CROCC: variants seen among roughly 807,000 people sequenced by gnomAD.
CROCC encodes ciliary rootlet coiled-coil, rootletin.
In CROCC, 180 loss-of-function variants were observed where a neutral mutation model predicts 245.2. That is an observed-to-expected ratio of 0.73 (90% CI 0.65 to 0.83). CROCC has a LOEUF of 0.83. Ranked by LOEUF, CROCC falls within the 40% of genes least tolerant of loss-of-function variation. CROCC has a pLI of 0.00. For missense variants in CROCC, 2,688 were observed against 2,779.4 expected, an observed-to-expected ratio of 0.97 and a Z score of 0.74; for synonymous variants, 1,205 against 1,241.6, an observed-to-expected ratio of 0.97 and a Z score of 0.62.
chr1:16,922,058 A>C lies in CROCC; in HGVS notation c.40A>C (p.Thr14Pro), dbSNP rs1417353440. 1 of 1,550,386 alleles carries C rather than the reference A, an allele frequency of 6.5e-7. No individual in the cohort carries two copies. The highest frequency in any genetic ancestry group is 2.0e-5 in the Admixed American group (1 of 50,788). ...GLAGAQEVEL[T>P]LETVIQTLES... ...GGCGGGGGCACAGGAGGTGGAGCTG[A>C]CACTAGAGACGGTTATCCAGGTGGG... is the stretch of plus-strand genomic sequence containing the variant. Residue 14 changes from threonine to proline, a missense_variant, in exon 1 of 37, where the codon ACA (threonine) becomes CCA (proline). Thr to Pro is a conservative substitution (Grantham distance 38). Transcript: ENST00000375541.
upstream of CROCC, chr1:16,921,874 C>A: frequency 1.3e-6 from 1 of 789,460 alleles, no homozygotes; most frequent in Non-Finnish European, 2.1e-6. Context: ...CTCCTCCCAC[C>A]GCGGTGGTCA....
chr1:16,950,853 C>T (rs2076147480), intron 19 of CROCC, 100 bp from the exon 20 acceptor site: 12 of 1,045,340 alleles, frequency 1.1e-5, no homozygotes, highest in Non-Finnish European at 1.6e-5. Context: ...AGGCCCTCTG[C>T]CTCTGGGATT....
chr1:16,938,584 G>C, intron 11 of CROCC, 101 bp downstream of exon 11: 1 of 1,155,090 alleles, frequency 8.7e-7, no homozygotes. Context: ...AAATGGGTGG[G>C]GGCCTGGGAC....
intron 27 of CROCC, among the ~76,000 whole-genome samples, chr1:16,962,548 A>AC (rs1557637065): frequency 2.1e-5 from 3 of 143,000 alleles, no homozygotes; most frequent in African/African-American, 7.8e-5. Context: ...AAAAAAAAAA[A>AC]AAAAAAAAAA....
chr1:16,958,597 C>G lies in CROCC; in HGVS notation c.3879C>G (p.Asp1293Glu). The G allele has an allele frequency of 6.4e-7, 1 of 1,553,116 alleles. No homozygotes were observed. Among genetic ancestry groups the G allele is most frequent in the Non-Finnish European group, 8.7e-7 (1 of 1,148,628 alleles). ...QELRRQMKML[D>E]SENTRLGREL... is the part of the protein sequence containing the mutation. ...TGCTCTCACAGATGAAGATGCTGGA[C>G]AGTGAGAACACCAGACTGGGCCGGG... Residue 1293 changes from aspartate (D) to glutamate (E), a missense_variant, in exon 26 of 37, where the codon GAC becomes GAG. Asp to Glu is a conservative substitution (Grantham distance 45, BLOSUM62 2). Around this residue, in one of 9 missense-constraint regions of CROCC, gnomAD observed 1,218 missense variants for 1,286.3 expected, o/e 0.95. Coordinates refer to ENST00000375541, the MANE Select transcript of CROCC (RefSeq NM_014675.5).
intron 13 of CROCC, among the ~76,000 whole-genome samples, chr1:16,942,290 G>A (rs1335710025): frequency 3.3e-4 from 50 of 152,244 alleles, no homozygotes; most frequent in Admixed American, 1.5e-3. Context: ...GAGCCATCAC[G>A]CCAGGCACCC....
At chr1:16,922,925 A>G in intron 2 of CROCC, 127 bp downstream of exon 2, 1 of 1,370,234 alleles carries the variant, frequency 7.3e-7, no homozygotes, top group African/African-American at 1.4e-5. Flanking sequence ...CAGCTTTATG[A>G]CAGAAGAACC....
At chr1:16,964,634 C>G (rs55709923) in intron 27 of CROCC, among the ~76,000 whole-genome samples, 19,544 of 152,126 alleles carry the variant, frequency 0.13, 1,406 homozygotes, top group South Asian at 0.21. Context: ...CTGCCCACCT[C>G]GGCATCCCAA....
Position 16,972,403 on chromosome 1 carries a change from G to T in CROCC, c.6011G>T (p.Ser2004Ile). 6.2e-7 allele frequency: 1 copy of T among 1,613,814 alleles called. No homozygotes were observed. Among genetic ancestry groups the T allele is most frequent in the Non-Finnish European group, 8.5e-7 (1 of 1,179,840 alleles). The change falls in exon 37 of 37, where the codon AGC (serine) becomes ATC (isoleucine). Residue 2004 changes from serine (S) to isoleucine (I), a missense_variant. Ser to Ile is a moderately radical substitution (Grantham distance 142, BLOSUM62 -2). Coordinates refer to ENST00000375541, the MANE Select transcript of CROCC (RefSeq NM_014675.5). ...KGQLQQELRR[S>I]SAPFSPPSGP... The stretch of plus-strand genomic sequence containing the variant: ...CAGCTGCAGCAGGAGCTTCGAAGGA[G>T]CTCAGCACCCTTCTCCCCACCCTCC...
At chr1:16,936,606 A>G (rs2075792862) in intron 8 of CROCC, 31 bp from the exon 9 acceptor site, 1 of 1,538,254 alleles carries the variant, frequency 6.5e-7, no homozygotes, top group African/African-American at 1.4e-5. Context: ...AGCAAGCCCC[A>G]TCCATCCCCA....
chr1:16,939,939 C>T lies in CROCC; in HGVS notation c.1654C>T (p.Leu552=). ...YEASQDLLGT[L]RKQLSDSESE... ...GGCAAGCCAGGACCTACTGGGCACC[C>T]TGCGGAAGCAGCTTAGCGACAGCGA... is the stretch of plus-strand genomic sequence containing the variant. Residue 552 remains leucine, a synonymous_variant, in exon 13 of 37, where the codon CTG becomes TTG. Coordinates refer to ENST00000375541, the MANE Select transcript of CROCC (RefSeq NM_014675.5). 4 of 1,612,800 alleles carry T rather than the reference C, an allele frequency of 2.5e-6. No homozygotes were observed. Among genetic ancestry groups the T allele is most frequent in the Non-Finnish European group, 3.4e-6 (4 of 1,179,818 alleles).
At position 16,938,890 on chromosome 1, in the gene CROCC, C is replaced by T. The variant is rs1390267559; in HGVS notation, c.1375-19C>T. The T allele has an allele frequency of 1.9e-6, 3 of 1,603,796 alleles. No individual in the cohort carries two copies. Among genetic ancestry groups the T allele is most frequent in the Non-Finnish European group, 2.6e-6 (3 of 1,176,100 alleles). On this transcript the variant is annotated intron_variant, in intron 11 of 36. Transcript: ENST00000375541. Reference sequence around the variant, plus strand: ...TCCTAACTCAGCAGCCTCCTTCTGCCTCCCTCCCCCACCCTCAGGCCGTCT... The same window carrying T: ...TCCTAACTCAGCAGCCTCCTTCTGCTTCCCTCCCCCACCCTCAGGCCGTCT...
At chr1:16,967,746 C>T (rs553020945) in intron 30 of CROCC, among the ~76,000 whole-genome samples, 1 of 152,168 alleles carries the variant, frequency 6.6e-6, no homozygotes, top group Non-Finnish European at 1.5e-5. Context: ...GGGGAATCAC[C>T]ACCTGAAACC....
At chr1:16,932,646 T>C (rs1241933391) in intron 8 of CROCC, among the ~76,000 whole-genome samples, 1 of 152,120 alleles carries the variant, frequency 6.6e-6, no homozygotes, top group African/African-American at 2.4e-5. Context: ...GAGCAAGGCA[T>C]GAGCAAAGGC....
intron 9 of CROCC, among the ~76,000 whole-genome samples, chr1:16,937,352 C>CAAA (rs34292893): frequency 4.4e-5 from 6 of 137,648 alleles, no homozygotes; most frequent in South Asian, 2.3e-4. Context: ...AACTCCGTCT[C>CAAA]AAAAAAAAAA....
intron 8 of CROCC, among the ~76,000 whole-genome samples, chr1:16,933,107 G>A (rs1459916260): frequency 1.3e-5 from 2 of 152,230 alleles, no homozygotes; most frequent in Admixed American, 1.3e-4. Context: ...AACCACACCT[G>A]GTTTAATAAT....
intron 1 of CROCC, among the ~76,000 whole-genome samples, chr1:16,914,785 A>G (rs1231078693): frequency 7.9e-5 from 12 of 152,252 alleles, no homozygotes; most frequent in South Asian, 4.1e-4. Flanking sequence ...CTTAAGCCTG[A>G]CGACCATGCT....
chr1:16,933,873 T>G (rs558514452), intron 8 of CROCC, among the ~76,000 whole-genome samples: 201 of 152,364 alleles, frequency 1.3e-3, no homozygotes, highest in East Asian at 1.5e-3. Flanking sequence ...CTTTGTCTTT[T>G]AAGTCCCTTT....
At chr1:16,940,541 C>T (rs1429825621) in intron 13 of CROCC, among the ~76,000 whole-genome samples, 31 of 152,356 alleles carry the variant, frequency 2.0e-4, no homozygotes, top group Non-Finnish European at 3.8e-4. Flanking sequence ...TGCCCACCAC[C>T]ACGCCCGGCT....
Sources: gnomAD v4.1 joint callset for allele counts (sites outside exome capture counted in the v4.1 genomes callset) on GRCh38, gnomAD v4.1.1 for gene constraint, gnomAD v4.1.1 regional missense constraint, MANE v1.5 for transcripts, NCBI Gene and HGNC (gene_info 2026-07-23, HGNC 2026-07-21) for gene names.